Variants in RHOA observed in about 807,000 individuals in gnomAD.
RHOA encodes transforming protein RhoA.
Under a neutral mutation model 17.5 loss-of-function variants are expected in RHOA, and 3 were observed. The observed-to-expected ratio is 0.17, with a 90% CI of 0.08 to 0.44. The LOEUF (loss-of-function observed/expected upper bound fraction) is 0.44. Among genes scored for constraint, RHOA ranks in the 20% least tolerant of loss-of-function variants. The probability of loss-of-function intolerance (pLI) is 0.99; values close to 1 mark genes in which losing one functional copy is unlikely to be tolerated. For missense variants in RHOA, 56 were observed against 242.3 expected, an observed-to-expected ratio of 0.23 and a Z score of 5.10; for synonymous variants, 98 against 88.4, an observed-to-expected ratio of 1.11 and a Z score of -0.61.
chr3:49,383,603 A>G (rs1477052333), intron 1 of RHOA, among the ~76,000 whole-genome samples: 4 of 151,804 alleles, frequency 2.6e-5, no homozygotes, highest in African/African-American at 9.7e-5. Context: ...TTCAGCCTGC[A>G]CTCCATTCCT....
At chr3:49,411,518 G>A (rs1226303012) in intron 1 of RHOA, among the ~76,000 whole-genome samples, 2 of 152,114 alleles carry the variant, frequency 1.3e-5, no homozygotes, top group East Asian at 1.9e-4. Flanking sequence ...GCCGCTGGGA[G>A]AGGAAGCTCC....
At position 49,368,480 on chromosome 3, in the gene RHOA, T is replaced by G; in HGVS notation, c.225A>C (p.Pro75=). The part of the protein sequence containing the change: ...DYDRLRPLSY[P]DTDVILMCFS... ...AACACATCAGTATAACATCGGTATC[T>G]GGGTAGGAGAGGGGCCTCAGGCGAT... Residue 75 remains proline, a synonymous_variant, in exon 3 of 5, where the codon CCA becomes CCC. Transcript: ENST00000418115. 1.9e-6 allele frequency: 3 copies of G among 1,614,072 alleles called. No individual in the cohort carries two copies. The highest frequency in any genetic ancestry group is 1.7e-6 in the Non-Finnish European group (2 of 1,180,006).
chr3:49,404,234 T>G (rs899724733), intron 1 of RHOA, among the ~76,000 whole-genome samples: 74 of 147,602 alleles, frequency 5.0e-4, no homozygotes, highest in Admixed American at 2.3e-3. Flanking sequence ...CACCAAAAGT[T>G]GGAGGCCACC....
At chr3:49,400,778 G>C in intron 1 of RHOA, among the ~76,000 whole-genome samples, 1 of 151,814 alleles carries the variant, frequency 6.6e-6, no homozygotes, top group Non-Finnish European at 1.5e-5. Flanking sequence ...GGGCACGGTG[G>C]CTCACGCCTG....
intron 3 of RHOA, chr3:49,366,992 T>C (rs2107836247): frequency 6.6e-6 from 1 of 152,212 alleles, no homozygotes; most frequent in South Asian, 2.1e-4. Context: ...AGCAAGTTTT[T>C]TCAAGCCTGG....
chr3:49,399,054 C>CAAAAAAAAAAAAAAAAAGAAAA (rs2048672206), intron 1 of RHOA, among the ~76,000 whole-genome samples: 1 of 24,830 alleles, frequency 4.0e-5, no homozygotes, highest in Non-Finnish European at 6.6e-5. Flanking sequence ...GACTCCGTCT[C>CAAAAAAAAAAAAAAAAAGAAAA]AAAAAAAAAA....
At chr3:49,389,374 C>T (rs2048457920) in intron 1 of RHOA, among the ~76,000 whole-genome samples, 1 of 151,860 alleles carries the variant, frequency 6.6e-6, no homozygotes, top group South Asian at 2.1e-4. Context: ...ACTCTCCAGG[C>T]AGAACCCAAG....
intron 1 of RHOA, among the ~76,000 whole-genome samples, chr3:49,396,231 T>C (rs558064898): frequency 8.5e-5 from 13 of 152,230 alleles, no homozygotes; most frequent in South Asian, 2.1e-4. Flanking sequence ...TGGCAGTGAA[T>C]TGAGAAAACG....
chr3:49,384,130 A>G (rs2048360602), intron 1 of RHOA, among the ~76,000 whole-genome samples: 1 of 152,244 alleles, frequency 6.6e-6, no homozygotes, highest in Admixed American at 6.5e-5. Flanking sequence ...AAAGACAAAA[A>G]TTACAAGTGA....
At chr3:49,400,440 G>T (rs1024085098) in intron 1 of RHOA, among the ~76,000 whole-genome samples, 1 of 152,080 alleles carries the variant, frequency 6.6e-6, no homozygotes, top group Non-Finnish European at 1.5e-5. Flanking sequence ...ACCACCAGAG[G>T]CCTCAGTGGC....
chr3:49,404,799 G>A (rs567821318), intron 1 of RHOA, among the ~76,000 whole-genome samples: 5 of 148,934 alleles, frequency 3.4e-5, no homozygotes, highest in African/African-American at 9.9e-5. Context: ...TTAGCCAGGC[G>A]TGGCAGCATG....
Position 49,360,093 on chromosome 3 carries a change from T to C in RHOA, c.*116A>G. ...TAAATACTGGTAGCAAGATGACTTC[T>C]GATTTGTAATCTTAGGTAAATTATA... On this transcript the variant is annotated 3_prime_UTR_variant, in exon 5 of 5. Coordinates refer to ENST00000418115, the MANE Select transcript of RHOA (RefSeq NM_001664.4). The C allele has an allele frequency of 8.5e-7, 1 of 1,183,414 alleles. No homozygotes were observed. Among genetic ancestry groups the C allele is most frequent in the Non-Finnish European group, 1.2e-6 (1 of 846,310 alleles). 73.3% of individuals were successfully genotyped at this position (1,183,414 alleles called of 1,614,324 possible).
intron 1 of RHOA, among the ~76,000 whole-genome samples, chr3:49,396,312 G>A (rs1037374180): frequency 6.6e-6 from 1 of 152,068 alleles, no homozygotes; most frequent in East Asian, 1.9e-4. Flanking sequence ...GGTGGCTCAC[G>A]CCTGTAATCC....
intron 2 of RHOA, among the ~76,000 whole-genome samples, chr3:49,372,559 C>G (rs1487233532): frequency 6.6e-6 from 1 of 151,934 alleles, no homozygotes; most frequent in African/African-American, 2.4e-5. Flanking sequence ...ACGGTGAAAC[C>G]CTGTCTCTAC....
intron 1 of RHOA, among the ~76,000 whole-genome samples, chr3:49,404,459 A>ACACACACACACACACACACACAC (rs1466095718): frequency 3.3e-4 from 1 of 3,034 alleles, no homozygotes; most frequent in African/African-American, 5.4e-4. Flanking sequence ...CACACACACA[A>ACACACACACACACACACACACAC]AATTAGCCGG....
intron 1 of RHOA, among the ~76,000 whole-genome samples, chr3:49,401,555 T>C (rs1435708616): frequency 4.0e-4 from 19 of 47,146 alleles, no homozygotes; most frequent in Admixed American, 8.7e-4. Context: ...TGAAACTCTG[T>C]CTCAAAAAAA....
rs537139166 is a variant in RHOA, at chr3:49,373,276, G to A, written c.156+2158C>T. The A allele has an allele frequency of 2.2e-4, 52 of 237,140 alleles. 2 individuals are homozygous for A. The highest frequency in any genetic ancestry group is 5.0e-4 in the South Asian group (14 of 27,738). The allele number at this position is 237,140 out of a possible 1,614,324, so 14.7% of individuals were successfully genotyped here. A position where few individuals can be genotyped will look rare whatever the true frequency, so the allele number is the denominator to read the frequency against. ...GGAGAATTGCTTGAACTCAGGAGGC[G>A]GAGGTTGTTGTAAACCAAGATCATG... is the stretch of plus-strand genomic sequence containing the variant. On this transcript the variant is annotated intron_variant, in intron 2 of 4. Transcript: ENST00000418115.
At chr3:49,410,005 A>G (rs983322887) in intron 1 of RHOA, among the ~76,000 whole-genome samples, 1 of 152,224 alleles carries the variant, frequency 6.6e-6, no homozygotes, top group Non-Finnish European at 1.5e-5. Context: ...ACCCTCGTAC[A>G]TTCATCTATC....
chr3:49,386,266 C>G (rs943553585), intron 1 of RHOA, among the ~76,000 whole-genome samples: 36 of 152,176 alleles, frequency 2.4e-4, no homozygotes, highest in African/African-American at 8.7e-4. Context: ...TCTTTCCTCC[C>G]TTCCGTTTTC....
Sources: allele counts gnomAD v4.1 joint callset (sites outside exome capture counted in the v4.1 genomes callset), GRCh38; gene constraint gnomAD v4.1.1; transcripts MANE v1.5; gene names NCBI Gene and HGNC (gene_info 2026-07-23, HGNC 2026-07-21).